Variants in SDC3 observed in about 807,000 individuals in gnomAD.
The protein encoded by SDC3 is syndecan 3, also known as syndecan-3.
In SDC3, 13 loss-of-function variants were observed where a neutral mutation model predicts 24.4. That is an observed-to-expected ratio of 0.53 (90% CI 0.35 to 0.85). The LOEUF (loss-of-function observed/expected upper bound fraction) is 0.85. Among genes scored for constraint, SDC3 ranks in the 40% least tolerant of loss-of-function variants. SDC3 has a pLI of 0.01. For synonymous variants in SDC3, 295 were observed against 260.9 expected, an observed-to-expected ratio of 1.13 and a Z score of -1.26; for missense variants, 571 against 584.5, an observed-to-expected ratio of 0.98 and a Z score of 0.24.
intron 1 of SDC3, among the ~76,000 whole-genome samples, chr1:30,891,037 C>A (rs1222685704): frequency 6.6e-6 from 1 of 152,182 alleles, no homozygotes; most frequent in South Asian, 2.1e-4. Flanking sequence ...GGCTATCTGC[C>A]GTCCCCAACC....
chr1:30,885,009 G>C (rs1351046238), intron 1 of SDC3, among the ~76,000 whole-genome samples: 1 of 152,156 alleles, frequency 6.6e-6, no homozygotes, highest in East Asian at 1.9e-4. Flanking sequence ...CTTGCTACAA[G>C]GAATATTGAA....
chr1:30,877,021 G>A lies in SDC3; in HGVS notation c.401C>T (p.Pro134Leu), dbSNP rs777924866. Residue 134 changes from proline (P) to leucine (L), a missense_variant, in exon 3 of 5, where the codon CCC becomes CTC. Physicochemically the swap from Pro to Leu is moderately conservative, Grantham distance 98. Around this residue, in one of 2 missense-constraint regions of SDC3, gnomAD observed 497 missense variants for 471.6 expected, o/e 1.05. Transcript: ENST00000339394. ...GGGGCTGGTGGCTGGCTCCAGGGTGGGGCGCTCAGAGGGGAGCTCTTCAAA... is the reference window on the plus strand; with the variant it reads ...GGGGCTGGTGGCTGGCTCCAGGGTGAGGCGCTCAGAGGGGAGCTCTTCAAA... ...TPFEELPSER[P>L]TLEPATSPLV... 3.0e-5 allele frequency: 48 copies of A among 1,613,712 alleles called. No individual in the cohort carries two copies. Among genetic ancestry groups the A allele is most frequent in the Non-Finnish European group, 4.1e-5 (48 of 1,179,994 alleles).
At chr1:30,887,990 C>G (rs1242511008) in intron 1 of SDC3, among the ~76,000 whole-genome samples, 1 of 152,242 alleles carries the variant, frequency 6.6e-6, no homozygotes, top group African/African-American at 2.4e-5. Flanking sequence ...ACACTGATCC[C>G]AGCATATTTT....
intron 1 of SDC3, among the ~76,000 whole-genome samples, chr1:30,895,873 G>A (rs539619378): frequency 2.7e-5 from 4 of 147,646 alleles, no homozygotes; most frequent in African/African-American, 9.9e-5. Flanking sequence ...AGGAGGGAGG[G>A]AGGGAGGGGG....
intron 3 of SDC3, 41 bp from the exon 4 acceptor site, chr1:30,874,629 C>A (rs367829069): frequency 4.7e-5 from 74 of 1,579,708 alleles, no homozygotes; most frequent in Non-Finnish European, 6.3e-5. Context: ...ACCACACATG[C>A]ATGCATAACC....
At position 30,876,538 on chromosome 1, in the gene SDC3, C is replaced by T. The variant is rs746655810; in HGVS notation, c.870+14G>A. 3.4e-6 allele frequency: 5 copies of T among 1,487,402 alleles called. No homozygotes were observed. The highest frequency in any genetic ancestry group is 4.5e-6 in the Non-Finnish European group (5 of 1,113,192). The allele number at this position is 1,487,402 out of a possible 1,614,324, so 92.1% of individuals were successfully genotyped here. A position where few individuals can be genotyped will look rare whatever the true frequency, so the allele number is the denominator to read the frequency against. On this transcript the variant is annotated intron_variant, in intron 3 of 4. Transcript: ENST00000339394. ...TCCTCCGCCCTCCTCCCTGTCCCTTCTCAACACCCTCACCTGAGCCACCTC... is the reference window on the plus strand; with the variant it reads ...TCCTCCGCCCTCCTCCCTGTCCCTTTTCAACACCCTCACCTGAGCCACCTC...
At position 30,874,359 on chromosome 1, in the gene SDC3, G is replaced by A. The variant is rs375527851; in HGVS notation, c.1100C>T (p.Ser367Leu). The A allele has an allele frequency of 5.1e-5, 82 of 1,613,774 alleles. 1 individual carries two copies. In the South Asian group the frequency reaches 6.1e-4, roughly 12 times the overall value. Residue 367 changes from serine (S) to leucine (L), a missense_variant, in exon 4 of 5, where the codon TCG (serine) becomes TTG (leucine). Around this residue, in one of 2 missense-constraint regions of SDC3, gnomAD observed 74 missense variants for 112.9 expected, o/e 0.66. Coordinates refer to ENST00000339394, the MANE Select transcript of SDC3 (RefSeq NM_014654.4). ...GPGLLDNAID[S>L]GSSAAQLPQK... ...AGGCAGCTGAGCAGCTGAGCTGCCC[G>A]AGTCGATGGCATTGTCCAGGAGGCC...
At chr1:30,899,091 CGTT>C (rs954646360) in intron 1 of SDC3, among the ~76,000 whole-genome samples, 5 of 152,078 alleles carry the variant, frequency 3.3e-5, no homozygotes, top group Admixed American at 6.6e-5. Context: ...TTCTTCGTTT[CGTT>C]GTTGTTGTTT....
chr1:30,908,395 C>T, intron 1 of SDC3, 54 bp downstream of exon 1: 2 of 963,098 alleles, frequency 2.1e-6, no homozygotes, highest in Non-Finnish European at 2.4e-6. Flanking sequence ...CGGCACCCCG[C>T]GCGGGGGGCG....
In SDC3 at chr1:30,873,148, G is replaced by A. The variant is rs573574224; in HGVS notation, c.*63C>T. On this transcript the variant is annotated 3_prime_UTR_variant, in exon 5 of 5. Coordinates refer to ENST00000339394, the MANE Select transcript of SDC3 (RefSeq NM_014654.4). ...GCCCAGTCCCAGGCTTGGGCTGGTG[G>A]GGCCAGGCTGGGGACTGGACAGCAG... 2.4e-6 allele frequency: 3 copies of A among 1,255,078 alleles called. No individual in the cohort carries two copies. In the African/African-American group the frequency reaches 4.4e-5, roughly 18 times the overall value. 77.7% of individuals were successfully genotyped at this position (1,255,078 alleles called of 1,614,324 possible).
At chr1:30,884,145 T>G (rs1174413614) in intron 1 of SDC3, among the ~76,000 whole-genome samples, 1 of 151,858 alleles carries the variant, frequency 6.6e-6, no homozygotes, top group Non-Finnish European at 1.5e-5. Context: ...CACCCACTTG[T>G]GGCTGGAGAT....
In SDC3 at chr1:30,873,103, G is replaced by A; in HGVS notation, c.*108C>T. ...AGACCTTGGGAGAGAGGGCAGAGAA[G>A]AACTGGGGCCAGGTTCCAGGCCCAG... is the stretch of plus-strand genomic sequence containing the variant. On this transcript the variant is annotated 3_prime_UTR_variant, in exon 5 of 5. Coordinates refer to ENST00000339394, the MANE Select transcript of SDC3 (RefSeq NM_014654.4). The A allele has an allele frequency of 1.3e-6, 1 of 797,706 alleles. No individual in the cohort carries two copies. The highest frequency in any genetic ancestry group is 1.6e-5 in the South Asian group (1 of 63,574). 49.4% of individuals were successfully genotyped at this position (797,706 alleles called of 1,614,324 possible).
intron 1 of SDC3, among the ~76,000 whole-genome samples, chr1:30,899,422 G>A (rs574507736): frequency 6.7e-4 from 102 of 151,976 alleles, no homozygotes; most frequent in Non-Finnish European, 9.6e-4. Context: ...TCACCCAGGC[G>A]AGAGTGCAGT....
chr1:30,901,364 T>G (rs972142827), intron 1 of SDC3, among the ~76,000 whole-genome samples: 20 of 152,192 alleles, frequency 1.3e-4, no homozygotes, highest in Non-Finnish European at 2.9e-5. Context: ...AGGGCCCATG[T>G]GACAGACAGA....
chr1:30,909,565 C>A (rs781515531), upstream of SDC3, among the ~76,000 whole-genome samples: 1 of 151,928 alleles, frequency 6.6e-6, no homozygotes, highest in Non-Finnish European at 1.5e-5. Flanking sequence ...GTCACGGTGC[C>A]TTTTCCCCCT....
intron 1 of SDC3, among the ~76,000 whole-genome samples, chr1:30,905,321 ACCCCCAC>A (rs1638497226): frequency 9.8e-5 from 1 of 10,224 alleles, no homozygotes; most frequent in Non-Finnish European, 1.9e-4. Context: ...CCCCACCCCC[ACCCCCAC>A]CCCCATCCGT....
chr1:30,900,308 TA>T (rs1012307539), intron 1 of SDC3, among the ~76,000 whole-genome samples: 7 of 152,190 alleles, frequency 4.6e-5, no homozygotes, highest in African/African-American at 1.7e-4. Context: ...TATTGGCCGT[TA>T]TCTTTCTCAT....
chr1:30,869,678 T>C lies in SDC3; in HGVS notation c.*3533A>G, dbSNP rs1259397011. 2.5e-6 allele frequency: 1 copy of C among 398,536 alleles called. No homozygotes were observed. The highest frequency in any genetic ancestry group is 3.6e-5 in the East Asian group (1 of 28,086). 24.7% of individuals were successfully genotyped at this position (398,536 alleles called of 1,614,324 possible). A position where few individuals can be genotyped will look rare whatever the true frequency, so the allele number is the denominator to read the frequency against. ...CTTTTGTTTTTCTTATTTAAGGTTT[T>C]GGCCATGAACTCAGGACAGGTATGG... On this transcript the variant is annotated 3_prime_UTR_variant, in exon 5 of 5. Transcript: ENST00000339394.
At chr1:30,876,471 C>T in intron 3 of SDC3, 81 bp downstream of exon 3, 1 of 1,279,248 alleles carries the variant, frequency 7.8e-7, no homozygotes, top group Non-Finnish European at 1.1e-6. Flanking sequence ...GGTCCTCAGT[C>T]CTGTCCAGCC....
Sources: allele counts gnomAD v4.1 joint callset (sites outside exome capture counted in the v4.1 genomes callset), GRCh38; gene constraint gnomAD v4.1.1; regional missense constraint gnomAD v4.1.1; transcripts MANE v1.5; gene names NCBI Gene and HGNC (gene_info 2026-07-23, HGNC 2026-07-21).